The following IQCM variants were observed in gnomAD, a reference collection of about 807,000 sequenced individuals.
IQCM encodes the protein IQ motif containing M.
Under a neutral mutation model 57.6 loss-of-function variants are expected in IQCM, and 45 were observed. That is an observed-to-expected ratio of 0.78 (90% confidence interval 0.62 to 1.00). The LOEUF is 1.00. Among genes scored for constraint, IQCM ranks in the 50% least tolerant of loss-of-function variants. The probability of loss-of-function intolerance (pLI) is 0.00; values close to 1 mark genes in which losing one functional copy is unlikely to be tolerated. For missense variants in IQCM, 468 were observed against 511.6 expected (o/e 0.91, Z 0.82); for synonymous variants, 148 against 158.9 (o/e 0.93, Z 0.51).
Position 149,397,487 on chromosome 4 carries a change from A to G in IQCM, c.1390+35909T>C, listed in dbSNP as rs530178852. Among the ~76,000 whole-genome samples, 57 of 151,930 alleles carry G rather than the reference A, an allele frequency of 3.8e-4. 2 individuals carry two copies. Among genetic ancestry groups the G allele is most frequent in the African/African-American group, 1.3e-3 (54 of 41,502 alleles). ...TATGAGTGAGATCTCATGAGATCTG[A>G]TAGTTCAAAAGTGGCACTTCCCCTT... On this transcript the variant is annotated intron_variant, in intron 13 of 13. Coordinates refer to ENST00000636793, the MANE Select transcript of IQCM (RefSeq NM_001363507.2).
At chr4:149,796,991 T>G (rs1438859296) in intron 2 of IQCM, among the ~76,000 whole-genome samples, 1 of 152,016 alleles carries the variant, frequency 6.6e-6, no homozygotes, top group Admixed American at 6.6e-5. Context: ...ACCTAACTCT[T>G]CAATGCTCAG....
At chr4:149,707,566 C>G (rs1449524904) in intron 5 of IQCM, among the ~76,000 whole-genome samples, 1 of 151,910 alleles carries the variant, frequency 6.6e-6, no homozygotes, top group Non-Finnish European at 1.5e-5. Flanking sequence ...AGCGAGCTTG[C>G]TCTAAAAGTG....
intron 12 of IQCM, among the ~76,000 whole-genome samples, chr4:149,495,525 C>T (rs760130549): frequency 1.3e-5 from 2 of 152,142 alleles, no homozygotes; most frequent in African/African-American, 4.8e-5. Flanking sequence ...TTTCAAAACA[C>T]ATGTGCACCT....
At chr4:149,617,288 A>G (rs1016933985) in intron 8 of IQCM, among the ~76,000 whole-genome samples, 1 of 152,186 alleles carries the variant, frequency 6.6e-6, no homozygotes, top group Non-Finnish European at 1.5e-5. Flanking sequence ...CTAAAAAAAC[A>G]AACAAAAAAA....
intron 13 of IQCM, among the ~76,000 whole-genome samples, chr4:149,363,421 G>A (rs1298060546): frequency 6.6e-6 from 1 of 152,134 alleles, no homozygotes; most frequent in Non-Finnish European, 1.5e-5. Flanking sequence ...GATATCCAAG[G>A]AGAATTTGTA....
At chr4:149,614,918 T>C (rs540851224) in intron 8 of IQCM, among the ~76,000 whole-genome samples, 5 of 152,316 alleles carry the variant, frequency 3.3e-5, no homozygotes, top group African/African-American at 7.2e-5. Context: ...CACTGCAACA[T>C]AGTATGTTAG....
intron 2 of IQCM, among the ~76,000 whole-genome samples, chr4:149,812,344 A>AC (rs1774641310): frequency 6.6e-6 from 1 of 152,130 alleles, no homozygotes; most frequent in South Asian, 2.1e-4. Flanking sequence ...GGGAATGAGC[A>AC]CCAGAAATAT....
chr4:149,772,684 G>A (rs1051954259), intron 2 of IQCM, among the ~76,000 whole-genome samples: 2 of 152,178 alleles, frequency 1.3e-5, no homozygotes, highest in African/African-American at 4.8e-5. Context: ...AAAATAACAT[G>A]TTAACATTGG....
intron 13 of IQCM, among the ~76,000 whole-genome samples, chr4:149,354,382 A>AAAAAAAAAAAAAAAAAAAC (rs764445072): frequency 7.3e-6 from 1 of 136,532 alleles, no homozygotes; most frequent in Non-Finnish European, 1.6e-5. Flanking sequence ...AAAAAAAAAA[A>AAAAAAAAAAAAAAAAAAAC]AAAAAAACTG....
chr4:149,474,474 G>A (rs1205902393), intron 12 of IQCM, among the ~76,000 whole-genome samples: 3 of 151,080 alleles, frequency 2.0e-5, no homozygotes, highest in Non-Finnish European at 4.4e-5. Flanking sequence ...TTTGTAGGCT[G>A]AGGCAGGTAG....
At chr4:149,442,377 AT>A (rs986808540) in intron 12 of IQCM, among the ~76,000 whole-genome samples, 9 of 151,912 alleles carry the variant, frequency 5.9e-5, no homozygotes, top group African/African-American at 1.7e-4. Context: ...TTCAAAAGCA[AT>A]TTTCCCTGGC....
intron 8 of IQCM, among the ~76,000 whole-genome samples, chr4:149,618,323 C>T (rs776563019): frequency 5.9e-5 from 9 of 152,230 alleles, no homozygotes; most frequent in Admixed American, 4.6e-4. Flanking sequence ...AACTGGACCC[C>T]TATCTCTCAC....
chr4:149,386,145 G>A lies in IQCM; in HGVS notation c.1391-34079C>T, dbSNP rs372961736. ...TTGTACAAAATAAGATAAGAAATGT[G>A]AGTTTGTGCACCTGTAATTTACTAT... On this transcript the variant is annotated intron_variant, in intron 13 of 13. Transcript: ENST00000636793. Among the ~76,000 whole-genome samples the A allele has an allele frequency of 4.9e-4, 75 of 152,154 alleles. 1 individual carries two copies. Among genetic ancestry groups the A allele is most frequent in the African/African-American group, 1.7e-3 (69 of 41,556 alleles).
intron 2 of IQCM, among the ~76,000 whole-genome samples, chr4:149,813,082 G>A (rs760737783): frequency 6.6e-6 from 1 of 151,894 alleles, no homozygotes; most frequent in Non-Finnish European, 1.5e-5. Context: ...ACATGATGGG[G>A]CTGGATTAAG....
intron 12 of IQCM, among the ~76,000 whole-genome samples, chr4:149,468,061 G>A (rs1012377998): frequency 6.6e-6 from 1 of 152,280 alleles, no homozygotes; most frequent in South Asian, 2.1e-4. Flanking sequence ...CCAGTCTGCA[G>A]CTCCCAGCGT....
At chr4:149,672,203 C>T (rs1407652626) in intron 7 of IQCM, among the ~76,000 whole-genome samples, 4 of 152,178 alleles carry the variant, frequency 2.6e-5, no homozygotes, top group Non-Finnish European at 4.4e-5. Context: ...TTCTAAAAAT[C>T]AGAGCGGCTC....
At chr4:149,772,297 G>A (rs1770658170) in intron 2 of IQCM, among the ~76,000 whole-genome samples, 1 of 151,994 alleles carries the variant, frequency 6.6e-6, no homozygotes, top group African/African-American at 2.4e-5. Flanking sequence ...TTTTTCAAAT[G>A]TTCAATTAAT....
intron 13 of IQCM, among the ~76,000 whole-genome samples, chr4:149,353,834 A>G (rs1026370195): frequency 1.3e-5 from 2 of 152,162 alleles, no homozygotes; most frequent in Non-Finnish European, 2.9e-5. Context: ...CAGATGTTTA[A>G]GATGAACAGG....
Position 149,517,189 on chromosome 4 carries a change from T to C in IQCM, c.1228+31266A>G, listed in dbSNP as rs552768168. ...GGTAAAGGGAATACAGAATGGGTAG[T>C]AGAAGAAGGTAGTCATCAGTTCCAG... On this transcript the variant is annotated intron_variant, in intron 12 of 13. Coordinates refer to ENST00000636793, the MANE Select transcript of IQCM (RefSeq NM_001363507.2). 6.6e-4 allele frequency among the ~76,000 whole-genome samples: 99 copies of C among 151,090 alleles called. No homozygotes were observed. The South Asian group carries it at 0.019, about 28-fold the overall frequency.
Sources: allele counts gnomAD v4.1 joint callset (sites outside exome capture counted in the v4.1 genomes callset), GRCh38; gene constraint gnomAD v4.1.1; transcripts MANE v1.5; gene names NCBI Gene and HGNC (gene_info 2026-07-23, HGNC 2026-07-21).